Variants in KCNC2 observed in about 807,000 individuals in gnomAD.
KCNC2 encodes the protein voltage-gated potassium channel KCNC2.
A neutral mutation model predicts 44.5 loss-of-function variants in KCNC2; 21 were observed. The ratio of observed to expected loss-of-function variants is 0.47; its 90% CI spans 0.33 to 0.68. The LOEUF (loss-of-function observed/expected upper bound fraction) is 0.68. Ranked by LOEUF, KCNC2 falls within the 30% of genes least tolerant of loss-of-function variation. The pLI is 0.01. For synonymous variants in KCNC2, 391 were observed against 339.1 expected (o/e 1.15, Z -1.68); for missense variants, 589 against 826.2 (o/e 0.71, Z 3.52).
At chr12:75,153,464 G>A (rs1484742708) in intron 2 of KCNC2, among the ~76,000 whole-genome samples, 9 of 151,770 alleles carry the variant, frequency 5.9e-5, no homozygotes, top group African/African-American at 2.2e-4. Flanking sequence ...AGGAAACTTG[G>A]AAGGGTGGGA....
chr12:75,208,156 G>C (rs1032173819), intron 1 of KCNC2, among the ~76,000 whole-genome samples, 154 bp from the exon 2 acceptor site: 1 of 152,074 alleles, frequency 6.6e-6, no homozygotes, highest in African/African-American at 2.4e-5. Flanking sequence ...AGCGTCCAGC[G>C]CTGTCCCCGC....
At position 75,181,916 on chromosome 12, in the gene KCNC2, C is replaced by CTTTTTTTTTTTTTTTTTTT. The variant is rs61089425; in HGVS notation, c.687+25362_687+25380dup. On this transcript the variant is annotated intron_variant, in intron 2 of 4. Coordinates refer to ENST00000549446, the MANE Select transcript of KCNC2 (RefSeq NM_139137.4). ...AAACATTATTACTATTAATATCTTCCTTTTTTTTTTTTTTTTTTTTTTTTT... is the reference window on the plus strand; with the variant it reads ...AAACATTATTACTATTAATATCTTCCTTTTTTTTTTTTTTTTTTTTTTTTTTTTTTTTTTTTTTTTTTTT... 7.5e-4 allele frequency among the ~76,000 whole-genome samples: 36 copies of CTTTTTTTTTTTTTTTTTTT among 47,872 alleles called. 11 individuals are homozygous for CTTTTTTTTTTTTTTTTTTT. Among genetic ancestry groups the CTTTTTTTTTTTTTTTTTTT allele is most frequent in the East Asian group, 3.0e-3 (3 of 1,014 alleles). The allele number at this position is 47,872 out of a possible 152,430, so 31.4% of individuals were successfully genotyped here.
intron 2 of KCNC2, among the ~76,000 whole-genome samples, chr12:75,199,517 A>G (rs2031061606): frequency 6.6e-6 from 1 of 151,766 alleles, no homozygotes; most frequent in Non-Finnish European, 1.5e-5. Flanking sequence ...TTTCTAGGAC[A>G]CTCCCAAATT....
At position 75,051,224 on chromosome 12, in the gene KCNC2, T is replaced by A. The variant is rs1881134000; in HGVS notation, c.781A>T (p.Thr261Ser). 1.2e-6 allele frequency: 2 copies of A among 1,612,284 alleles called. No homozygotes were observed. The highest frequency in any genetic ancestry group is 3.3e-4 in the Middle Eastern group (2 of 6,054). ...HEAFNIVKNK[T>S]EPVINGTSVV... ...CTTGTGCCATTGATGACTGGTTCTG[T>A]CTTGTTTTTAACAATATTGAAAGCT... Residue 261 changes from threonine (T) to serine (S), a missense_variant, in exon 3 of 5, where the codon ACA becomes TCA. Thr to Ser is a moderately conservative substitution (Grantham distance 58, BLOSUM62 1). This residue lies in a region of KCNC2 where 40 missense variants were observed against 40.6 expected (regional missense o/e 0.99). Coordinates refer to ENST00000549446, the MANE Select transcript of KCNC2 (RefSeq NM_139137.4).
intron 2 of KCNC2, among the ~76,000 whole-genome samples, chr12:75,089,164 G>T (rs1467264983): frequency 2.0e-5 from 3 of 151,596 alleles, no homozygotes; most frequent in South Asian, 2.1e-4. Flanking sequence ...AATTACTAAA[G>T]AAAAAATGGA....
At chr12:75,138,718 T>C (rs548531229) in intron 2 of KCNC2, among the ~76,000 whole-genome samples, 5 of 152,094 alleles carry the variant, frequency 3.3e-5, no homozygotes, top group South Asian at 4.1e-4. Flanking sequence ...CGGTGGCTCA[T>C]GCTTATAATC....
intron 2 of KCNC2, among the ~76,000 whole-genome samples, chr12:75,103,668 C>T (rs1886551391): frequency 6.6e-6 from 1 of 152,086 alleles, no homozygotes. Flanking sequence ...CAGTAGTTCC[C>T]CCTTATCTTT....
intron 4 of KCNC2, among the ~76,000 whole-genome samples, chr12:75,045,104 C>T (rs1224651777): frequency 4.6e-5 from 7 of 151,888 alleles, no homozygotes; most frequent in African/African-American, 1.5e-4. Context: ...AACCTAAAAA[C>T]GTAAACTAGA....
At position 75,110,196 on chromosome 12, in the gene KCNC2, C is replaced by T. The variant is rs567812666; in HGVS notation, c.688-58879G>A. On this transcript the variant is annotated intron_variant, in intron 2 of 4. Transcript: ENST00000549446. Reference sequence around the variant, plus strand: ...ACAGATTGAAAGGGTTCACCATGTCCCAGAAAGGATTAAGGGGGAAAAAAA... The same window carrying T: ...ACAGATTGAAAGGGTTCACCATGTCTCAGAAAGGATTAAGGGGGAAAAAAA... Among the ~76,000 whole-genome samples the T allele has an allele frequency of 2.3e-3, 354 of 151,980 alleles. 1 individual carries two copies. Among genetic ancestry groups the T allele is most frequent in the African/African-American group, 8.1e-3 (337 of 41,428 alleles).
chr12:75,141,381 A>T (rs899679547), intron 2 of KCNC2, among the ~76,000 whole-genome samples: 1 of 152,240 alleles, frequency 6.6e-6, no homozygotes, highest in Admixed American at 6.5e-5. Context: ...AAGTTTCTTT[A>T]AATGAGCTTA....
At chr12:75,145,483 T>C (rs1287589838) in intron 2 of KCNC2, among the ~76,000 whole-genome samples, 1 of 152,112 alleles carries the variant, frequency 6.6e-6, no homozygotes, top group African/African-American at 2.4e-5. Flanking sequence ...AAAAAAGACA[T>C]TATCCTTGTA....
At chr12:75,151,648 A>T (rs1342093298) in intron 2 of KCNC2, among the ~76,000 whole-genome samples, 1 of 151,834 alleles carries the variant, frequency 6.6e-6, no homozygotes, top group East Asian at 1.9e-4. Context: ...AAAATTTTAA[A>T]AGAAAGAAAT....
At chr12:75,168,659 C>T (rs745601903) in intron 2 of KCNC2, among the ~76,000 whole-genome samples, 1 of 151,384 alleles carries the variant, frequency 6.6e-6, no homozygotes, top group Non-Finnish European at 1.5e-5. Flanking sequence ...CTTACCATAC[C>T]AAAACTGGCA....
chr12:75,137,518 G>A (rs931943630), intron 2 of KCNC2, among the ~76,000 whole-genome samples: 1 of 152,010 alleles, frequency 6.6e-6, no homozygotes, highest in African/African-American at 2.4e-5. Flanking sequence ...AAACAAAATG[G>A]TTAAAAGAAA....
At chr12:75,165,255 C>T (rs1288104837) in intron 2 of KCNC2, among the ~76,000 whole-genome samples, 1 of 151,252 alleles carries the variant, frequency 6.6e-6, no homozygotes, top group Non-Finnish European at 1.5e-5. Context: ...ATAAAATGCA[C>T]AAAAGAGCAT....
rs138807305 is a variant in KCNC2 at position 75,205,679 on chromosome 12, C to A, written c.687+1618G>T. Among the ~76,000 whole-genome samples the A allele has an allele frequency of 2.0e-5, 3 of 152,044 alleles. No individual in the cohort carries two copies. In the East Asian group the frequency reaches 5.8e-4, roughly 29 times the overall value. ...TGGAAAAAAAGAATCACATGATGGG[C>A]CTGAAAACAAATTCAGATTATCTTT... On this transcript the variant is annotated intron_variant, in intron 2 of 4. Transcript: ENST00000549446.
At chr12:75,164,523 G>A (rs1024429202) in intron 2 of KCNC2, among the ~76,000 whole-genome samples, 4 of 151,670 alleles carry the variant, frequency 2.6e-5, no homozygotes, top group African/African-American at 7.3e-5. Flanking sequence ...TGTTCCTGCA[G>A]GCTTTCACTT....
Position 75,207,705 on chromosome 12 carries a change from G to C in KCNC2, c.279C>G (p.Ser93Arg). The change falls in exon 2 of 5, where the codon AGC (serine) becomes AGG (arginine). Residue 93 changes from serine (S) to arginine (R), a missense_variant. Ser to Arg is a moderately radical substitution (Grantham distance 110). This residue lies in a region of KCNC2 where 148 missense variants were observed against 140.1 expected (regional missense o/e 1.06). Coordinates refer to ENST00000549446, the MANE Select transcript of KCNC2 (RefSeq NM_139137.4). This position sits in a 1 kb window ranked among gnomAD's most constrained non-coding sequence, Gnocchi z 4.1. ...GNCSSRGGRA[S>R]DHPGGGREFF... is the part of the protein sequence containing the mutation. ...ACTCGCGGCCGCCACCGGGATGGTC[G>C]CTGGCCCTGCCGCCGCGGGAACTGC... is the stretch of plus-strand genomic sequence containing the variant. The C allele has an allele frequency of 1.3e-6, 2 of 1,585,680 alleles. No individual in the cohort carries two copies. The highest frequency in any genetic ancestry group is 2.3e-4 in the Middle Eastern group (1 of 4,440).
chr12:75,174,960 T>C (rs546596081), intron 2 of KCNC2, among the ~76,000 whole-genome samples: 3 of 151,986 alleles, frequency 2.0e-5, no homozygotes, highest in African/African-American at 7.2e-5. Flanking sequence ...TCCAAGCTGG[T>C]GATAGCAATA....
Sources: allele counts gnomAD v4.1 joint callset (sites outside exome capture counted in the v4.1 genomes callset), GRCh38; gene constraint gnomAD v4.1.1; regional missense constraint gnomAD v4.1.1; non-coding constraint Gnocchi (gnomAD v3.1); transcripts MANE v1.5; gene names NCBI Gene and HGNC (gene_info 2026-07-23, HGNC 2026-07-21).